Variants in KLHL8 observed in about 807,000 individuals in gnomAD.
KLHL8 encodes the protein kelch-like protein 8.
KLHL8 carries 38 observed loss-of-function variants against 63.5 expected under a neutral mutation model. The observed-to-expected ratio is 0.60, with a 90% CI of 0.46 to 0.78. KLHL8 has a LOEUF of 0.78. Ranked by LOEUF, KLHL8 falls within the 30% of genes least tolerant of loss-of-function variation. KLHL8 has a pLI of 0.00. For synonymous variants in KLHL8, 224 were observed against 254.3 expected (o/e 0.88, Z 1.13); for missense variants, 566 against 752.4 (o/e 0.75, Z 2.90).
At chr4:87,199,109 A>G (rs1731812033) in intron 1 of KLHL8, among the ~76,000 whole-genome samples, 1 of 152,324 alleles carries the variant, frequency 6.6e-6, no homozygotes, top group Admixed American at 6.5e-5. Context: ...AACCTACTTT[A>G]AGTATAAAGA....
intron 1 of KLHL8, among the ~76,000 whole-genome samples, chr4:87,237,428 A>G (rs1017097513): frequency 1.3e-5 from 2 of 152,198 alleles, no homozygotes; most frequent in Non-Finnish European, 2.9e-5. Flanking sequence ...ACAAAACAAA[A>G]CAAAATGTGT....
At chr4:87,229,004 T>C (rs1313751453) in intron 1 of KLHL8, among the ~76,000 whole-genome samples, 9 of 152,234 alleles carry the variant, frequency 5.9e-5, no homozygotes, top group Admixed American at 5.2e-4. Context: ...ACATTGAACA[T>C]GGAAATTACA....
At chr4:87,195,293 C>A (rs1055379172) in intron 2 of KLHL8, 31 bp downstream of exon 2, 3 of 1,568,376 alleles carry the variant, frequency 1.9e-6, no homozygotes, top group South Asian at 2.2e-5. Context: ...ACTGAAGAGG[C>A]CTGAGAAAAG....
intron 1 of KLHL8, among the ~76,000 whole-genome samples, chr4:87,226,277 A>G (rs977933900): frequency 2.0e-5 from 3 of 152,004 alleles, no homozygotes; most frequent in Admixed American, 6.6e-5. Flanking sequence ...ATAGCTCTAT[A>G]TTAGGCCAGG....
rs1732789456 is a variant in KLHL8 at position 87,220,431 on chromosome 4, C to G, written c.-165G>C. ...GCGTCCCGTTACCTCGATCCTCGAC[C>G]CTGTTCTTCCTGATGTCGCTAAGGT... On this transcript the variant is annotated 5_prime_UTR_variant, in exon 1 of 10. Coordinates refer to ENST00000273963, the MANE Select transcript of KLHL8 (RefSeq NM_020803.5). The G allele has an allele frequency of 6.6e-6, 1 of 152,374 alleles. No individual in the cohort carries two copies. Among genetic ancestry groups the G allele is most frequent in the South Asian group, 2.1e-4 (1 of 4,828 alleles). The allele number at this position is 152,374 out of a possible 1,614,324, so 9.4% of individuals were successfully genotyped here. A position where few individuals can be genotyped will look rare whatever the true frequency, so the allele number is the denominator to read the frequency against.
intron 1 of KLHL8, among the ~76,000 whole-genome samples, chr4:87,226,216 T>C (rs770049748): frequency 3.3e-5 from 5 of 152,192 alleles, no homozygotes; most frequent in Non-Finnish European, 7.3e-5. Flanking sequence ...TCCATTGCAA[T>C]TTGTATTCCA....
rs151161891 is a variant in KLHL8, at chr4:87,195,450, T to A, written c.90A>T (p.Arg30Ser). The A allele has an allele frequency of 4.3e-6, 7 of 1,613,902 alleles. No individual in the cohort carries two copies. Among genetic ancestry groups the A allele is most frequent in the Admixed American group, 3.3e-5 (2 of 60,026 alleles). ...RQQQHQQIKN[R>S]SSISDGDGED... ...CTCCATCACCATCACTAATTGAGGATCTGTTCTTTATTTGCTGGTGCTGTT... is the reference window on the plus strand; with the variant it reads ...CTCCATCACCATCACTAATTGAGGAACTGTTCTTTATTTGCTGGTGCTGTT... The change falls in exon 2 of 10, where the codon AGA becomes AGT. Residue 30 changes from arginine (R) to serine (S), a missense_variant. Coordinates refer to ENST00000273963, the MANE Select transcript of KLHL8 (RefSeq NM_020803.5).
intron 1 of KLHL8, among the ~76,000 whole-genome samples, chr4:87,226,812 T>TATATA (rs1733011358): frequency 7.5e-5 from 1 of 13,314 alleles, no homozygotes; most frequent in South Asian, 1.9e-3. Context: ...ATATATATTA[T>TATATA]ATATAATATA....
intron 1 of KLHL8, among the ~76,000 whole-genome samples, chr4:87,210,245 G>A (rs1732347248): frequency 6.6e-6 from 1 of 152,168 alleles, no homozygotes; most frequent in Non-Finnish European, 1.5e-5. Flanking sequence ...ACTTTGGGAG[G>A]CCGAGGCGGG....
rs530609399 is a variant in KLHL8 at position 87,226,234 on chromosome 4, G to A, written n.58-4844C>T. Among the ~76,000 whole-genome samples, 6 of 152,152 alleles carry A rather than the reference G, an allele frequency of 3.9e-5. No individual in the cohort carries two copies. The South Asian group carries it at 8.3e-4, about 21-fold the overall frequency. On this transcript the variant is annotated intron_variant and non_coding_transcript_variant, in intron 1 of 1. Transcript: ENST00000506274. The stretch of plus-strand genomic sequence containing the variant: ...ATTGCAATTTGTATTCCAAATGTAC[G>A]ATGTCTGTGAAAAGTACTTCTTTCA...
intron 8 of KLHL8, chr4:87,167,235 G>A (rs1730438891): frequency 2.0e-6 from 1 of 509,126 alleles, no homozygotes; most frequent in African/African-American, 1.9e-5. Context: ...TGACATAAGA[G>A]ATGTGAAGGT....
intron 6 of KLHL8, among the ~76,000 whole-genome samples, chr4:87,176,170 G>A (rs778504381): frequency 6.6e-6 from 1 of 152,204 alleles, no homozygotes; most frequent in Non-Finnish European, 1.5e-5. Context: ...GAAGCCAGGT[G>A]CAGGGTAGGT....
intron 5 of KLHL8, among the ~76,000 whole-genome samples, chr4:87,177,289 C>A (rs999914707): frequency 1.3e-5 from 2 of 151,998 alleles, no homozygotes; most frequent in Non-Finnish European, 1.5e-5. Context: ...CTGAGGTGGG[C>A]GGATCACCTG....
Position 87,226,073 on chromosome 4 carries a change from C to G in KLHL8, n.58-4683G>C, listed in dbSNP as rs544144285. Among the ~76,000 whole-genome samples the G allele has an allele frequency of 6.6e-5, 10 of 152,066 alleles. 1 individual carries two copies. The South Asian group carries it at 2.1e-3, about 32-fold the overall frequency. On this transcript the variant is annotated intron_variant and non_coding_transcript_variant, in intron 1 of 1. Coordinates refer to the KLHL8 transcript ENST00000506274. ...CATTCAAGAACTGTGACTTTAGTTA[C>G]CAGAAAAAAACACATTTAGAGAAAC...
At chr4:87,235,245 G>A (rs541680751) in intron 1 of KLHL8, among the ~76,000 whole-genome samples, 1 of 152,252 alleles carries the variant, frequency 6.6e-6, no homozygotes, top group African/African-American at 2.4e-5. Flanking sequence ...TCCATTGAGG[G>A]TAAGTGCCCT....
chr4:87,168,962 TA>T lies in KLHL8; in HGVS notation c.1537+1116del, dbSNP rs35255534. Among the ~76,000 whole-genome samples, 720 of 122,884 alleles carry T rather than the reference TA, an allele frequency of 5.9e-3. 1 individual carries two copies. The highest frequency in any genetic ancestry group is 0.032 in the East Asian group (138 of 4,260). The allele number at this position is 122,884 out of a possible 152,430, so 80.6% of individuals were successfully genotyped here. A position where few individuals can be genotyped will look rare whatever the true frequency, so the allele number is the denominator to read the frequency against. ...GTTTGGTAATAAAAGATTGTTAAAG[TA>T]AAAAAAAAAAAAAAAGCAATATAAA... On this transcript the variant is annotated intron_variant, in intron 8 of 9. Coordinates refer to ENST00000273963, the MANE Select transcript of KLHL8 (RefSeq NM_020803.5).
intron 2 of KLHL8, among the ~76,000 whole-genome samples, chr4:87,187,167 A>C (rs2109997665): frequency 6.6e-6 from 1 of 152,332 alleles, no homozygotes; most frequent in East Asian, 1.9e-4. Flanking sequence ...TGAATATGTG[A>C]ATACATAATG....
intron 2 of KLHL8, among the ~76,000 whole-genome samples, chr4:87,188,870 T>C (rs1731361405): frequency 6.6e-6 from 1 of 152,240 alleles, no homozygotes; most frequent in Non-Finnish European, 1.5e-5. Flanking sequence ...ATATAAATAC[T>C]ATATGTCCCT....
chr4:87,206,179 A>T (rs949105767), intron 1 of KLHL8, among the ~76,000 whole-genome samples: 1 of 152,072 alleles, frequency 6.6e-6, no homozygotes, highest in African/African-American at 2.4e-5. Context: ...ATTGTCATTG[A>T]ACTCTATTCT....
Sources: gnomAD v4.1 joint callset for allele counts (sites outside exome capture counted in the v4.1 genomes callset) on GRCh38, gnomAD v4.1.1 for gene constraint, MANE v1.5 for transcripts, NCBI Gene and HGNC (gene_info 2026-07-23, HGNC 2026-07-21) for gene names.